MEAK7: variants seen among roughly 807,000 people sequenced by gnomAD.
The protein encoded by MEAK7 is MTOR associated protein MEAK7.
Under a neutral mutation model 40.5 loss-of-function variants are expected in MEAK7, and 68 were observed. The observed-to-expected ratio is 1.68, with a 90% CI of 1.38 to 2.06. The LOEUF (loss-of-function observed/expected upper bound fraction) is 2.06. Ranked by LOEUF, MEAK7 falls within the 30% of genes most tolerant of loss-of-function variation. The pLI is 0.00. For missense variants in MEAK7, 918 were observed against 580.5 expected, an observed-to-expected ratio of 1.58 and a Z score of -5.98; for synonymous variants, 338 against 231.9, an observed-to-expected ratio of 1.46 and a Z score of -4.16.
intron 6 of MEAK7, among the ~76,000 whole-genome samples, 164 bp downstream of exon 6, chr16:84,482,428 C>A (rs139477627): frequency 6.6e-6 from 1 of 152,240 alleles, no homozygotes; most frequent in African/African-American, 2.4e-5. Flanking sequence ...CCAGCTGTCA[C>A]TGCCCCCAGC....
rs761241321 is a variant in MEAK7, at chr16:84,479,949, G to A, written c.1335C>T (p.His445=). 4.3e-6 allele frequency: 7 copies of A among 1,610,174 alleles called. No individual in the cohort carries two copies. Among genetic ancestry groups the A allele is most frequent in the Middle Eastern group, 1.7e-4 (1 of 5,992 alleles). ...CCGGGACTTCCCGGAGCCCTTCGCT[G>A]TGGCGCGAATGCCCACTGATCTCCA... ...ALLEISGHSR[H]SEGLREVPDD... The change falls in exon 8 of 8, where the codon CAC becomes CAT. Residue 445 remains histidine (H), a synonymous_variant. Transcript: ENST00000343629.
chr16:84,495,653 A>G (rs751948230), intron 3 of MEAK7, 30 bp downstream of exon 3: 2 of 1,608,620 alleles, frequency 1.2e-6, no homozygotes, highest in Admixed American at 3.3e-5. Context: ...ACTGCTGAGG[A>G]GGCTGCAAAG....
chr16:84,481,905 G>C (rs377392932), intron 6 of MEAK7, among the ~76,000 whole-genome samples: 1 of 152,138 alleles, frequency 6.6e-6, no homozygotes, highest in Non-Finnish European at 1.5e-5. Flanking sequence ...CTGCACTCCA[G>C]CCTGGACAAG....
chr16:84,480,844 G>A, intron 6 of MEAK7, 136 bp from the exon 7 acceptor site: 1 of 959,534 alleles, frequency 1.0e-6, no homozygotes, highest in Non-Finnish European at 1.5e-6. Context: ...CCATCATCTT[G>A]TTTTCCTTAA....
At chr16:84,498,486 G>C (rs560381010) in intron 1 of MEAK7, among the ~76,000 whole-genome samples, 1 of 151,712 alleles carries the variant, frequency 6.6e-6, no homozygotes, top group African/African-American at 2.4e-5. Flanking sequence ...TGTTGCCCAG[G>C]CTGGTCTCCA....
At chr16:84,496,220 A>G (rs1441809876) in intron 2 of MEAK7, among the ~76,000 whole-genome samples, 1 of 152,116 alleles carries the variant, frequency 6.6e-6, no homozygotes, top group Non-Finnish European at 1.5e-5. Flanking sequence ...TGTATAGAAC[A>G]TCCATGGTGC....
intron 3 of MEAK7, among the ~76,000 whole-genome samples, chr16:84,493,669 T>G (rs1597955284): frequency 6.6e-6 from 1 of 152,366 alleles, no homozygotes; most frequent in East Asian, 1.9e-4. Flanking sequence ...AAACTATTTG[T>G]GAGTATTCTT....
rs433844 is a variant in MEAK7 at position 84,478,722 on chromosome 16, C to G, written c.*1191G>C. The G allele has an allele frequency of 1, 151,735 of 152,308 alleles. 75,587 individuals carry two copies. Among genetic ancestry groups the G allele is most frequent in the Middle Eastern group, 1 (296 of 296 alleles). The allele number at this position is 152,308 out of a possible 1,614,324, so 9.4% of individuals were successfully genotyped here. Reference sequence around the variant, plus strand: ...AGGATCACCGGAGCTTGTTTAAAGTCAGTCTACACTGCTGAATTTCCCATC... The same window carrying G: ...AGGATCACCGGAGCTTGTTTAAAGTGAGTCTACACTGCTGAATTTCCCATC... On this transcript the variant is annotated 3_prime_UTR_variant, in exon 8 of 8. Coordinates refer to ENST00000343629, the MANE Select transcript of MEAK7 (RefSeq NM_020947.4).
In MEAK7 at chr16:84,481,185, C is replaced by A. The variant is rs553677395; in HGVS notation, c.1078-477G>T. 4.6e-5 allele frequency among the ~76,000 whole-genome samples: 7 copies of A among 152,330 alleles called. No homozygotes were observed. The South Asian group carries it at 1.5e-3, about 32-fold the overall frequency. On this transcript the variant is annotated intron_variant, in intron 6 of 7. Transcript: ENST00000343629. ...AACTCAGCTCCGAGTGTGTGGCTTA[C>A]AGGATGCGGAGGCAGACCCGGAGGC...
At chr16:84,484,421 C>T (rs1375633481) in intron 5 of MEAK7, among the ~76,000 whole-genome samples, 2 of 152,226 alleles carry the variant, frequency 1.3e-5, no homozygotes, top group East Asian at 3.8e-4. Flanking sequence ...AGCTGAGGCC[C>T]AGAAAATGAA....
intron 5 of MEAK7, 41 bp from the exon 6 acceptor site, chr16:84,482,751 T>G: frequency 6.2e-7 from 1 of 1,610,726 alleles, no homozygotes; most frequent in Non-Finnish European, 8.5e-7. Flanking sequence ...GGTCGGTGTC[T>G]GAGCCGGTCC....
intron 3 of MEAK7, among the ~76,000 whole-genome samples, chr16:84,493,834 G>A (rs777382984): frequency 6.6e-6 from 1 of 152,158 alleles, no homozygotes; most frequent in Non-Finnish European, 1.5e-5. Flanking sequence ...CTGTAGAGCT[G>A]ATAAAAGCCA....
intron 3 of MEAK7, chr16:84,494,825 A>C: frequency 2.2e-6 from 1 of 455,778 alleles, no homozygotes; most frequent in Non-Finnish European, 4.4e-6. Context: ...CCTTTCTCCA[A>C]AAGATTTCTG....
intron 1 of MEAK7, among the ~76,000 whole-genome samples, chr16:84,500,828 C>T (rs971039090): frequency 1.3e-5 from 2 of 152,130 alleles, no homozygotes; most frequent in Non-Finnish European, 2.9e-5. Flanking sequence ...AGCAGACCCA[C>T]CCTCTGCATC....
At position 84,484,182 on chromosome 16, in the gene MEAK7, C is replaced by A. The variant is rs147151775; in HGVS notation, c.959-1472G>T. On this transcript the variant is annotated intron_variant, in intron 5 of 7. Transcript: ENST00000343629. ...GATAGGCCCAGATCCTAGTCCACCC[C>A]CAAGGGCTGTTCTCCATAGGGAAAG... Among the ~76,000 whole-genome samples the A allele has an allele frequency of 2.4e-3, 361 of 152,332 alleles. 2 individuals are homozygous for A. Among genetic ancestry groups the A allele is most frequent in the African/African-American group, 8.1e-3 (336 of 41,562 alleles).
chr16:84,497,826 T>G, intron 2 of MEAK7, 108 bp downstream of exon 2: 1 of 1,509,626 alleles, frequency 6.6e-7, no homozygotes, highest in Non-Finnish European at 9.1e-7. Flanking sequence ...CTTTTCAGTG[T>G]TGCCATCCAT....
chr16:84,488,329 A>G (rs1196555896), intron 4 of MEAK7: 1 of 152,224 alleles, frequency 6.6e-6, no homozygotes, highest in African/African-American at 2.4e-5. Flanking sequence ...CTGAAATATA[A>G]CCTATTTTCA....
intron 5 of MEAK7, chr16:84,486,411 T>C (rs3743663): frequency 0.058 from 77,970 of 1,349,946 alleles, 5,008 homozygotes; most frequent in East Asian, 0.37. Context: ...TGGGCCCGTG[T>C]CCTCGCCTGA....
chr16:84,493,325 G>A (rs1391135812), intron 3 of MEAK7, among the ~76,000 whole-genome samples: 3 of 152,144 alleles, frequency 2.0e-5, no homozygotes, highest in Non-Finnish European at 4.4e-5. Flanking sequence ...ATAGAACTCT[G>A]AAGAGTACTC....
Sources: allele counts gnomAD v4.1 joint callset (sites outside exome capture counted in the v4.1 genomes callset), GRCh38; gene constraint gnomAD v4.1.1; transcripts MANE v1.5; gene names NCBI Gene and HGNC (gene_info 2026-07-23, HGNC 2026-07-21).